SGCD: variants seen among roughly 807,000 people sequenced by gnomAD.
SGCD encodes sarcoglycan delta.
A neutral mutation model predicts 36.6 loss-of-function variants in SGCD; 18 were observed. That is an observed-to-expected ratio of 0.49 (90% CI 0.34 to 0.73). The LOEUF is 0.73. SGCD is among the 30% of genes least tolerant of loss of function. The pLI is 0.01. For missense variants in SGCD, 387 were observed against 346.7 expected (o/e 1.12, Z -0.92); for synonymous variants, 133 against 130.6 (o/e 1.02, Z -0.12).
At chr5:155,915,086 T>C (rs1756708524) in intron 1 of SGCD, among the ~76,000 whole-genome samples, 2 of 152,152 alleles carry the variant, frequency 1.3e-5, no homozygotes, top group East Asian at 3.9e-4. Flanking sequence ...TGCTCTTAAA[T>C]AGCTTCAATT....
chr5:156,643,653 T>C (rs1763123115), intron 6 of SGCD, among the ~76,000 whole-genome samples: 1 of 151,992 alleles, frequency 6.6e-6, no homozygotes, highest in Non-Finnish European at 1.5e-5. Flanking sequence ...GAACCGAAAA[T>C]CAGGTTTTTG....
At chr5:155,902,264 G>T (rs1328166864) in intron 1 of SGCD, among the ~76,000 whole-genome samples, 1 of 152,144 alleles carries the variant, frequency 6.6e-6, no homozygotes, top group Non-Finnish European at 1.5e-5. Context: ...ATAAGATAAA[G>T]TATTTAATAA....
intron 7 of SGCD, among the ~76,000 whole-genome samples, chr5:156,737,663 G>A (rs1321673917): frequency 6.6e-6 from 1 of 152,104 alleles, no homozygotes; most frequent in Non-Finnish European, 1.5e-5. Flanking sequence ...GGCTAGCATG[G>A]GGGATGAAGA....
the SGCD span, among the ~76,000 whole-genome samples, chr5:155,865,204 A>G: frequency 1.2e-4 from 18 of 152,110 alleles, no homozygotes; most frequent in African/African-American, 4.1e-4. Context: ...ACAATAATTA[A>G]CCCATAACCC....
At chr5:156,446,040 G>A (rs1753743593) in intron 3 of SGCD, among the ~76,000 whole-genome samples, 1 of 152,062 alleles carries the variant, frequency 6.6e-6, no homozygotes, top group African/African-American at 2.4e-5. Context: ...CAGGGGTCTT[G>A]TCATTCTAAT....
intron 3 of SGCD, among the ~76,000 whole-genome samples, chr5:156,473,608 T>C (rs2127830333): frequency 6.6e-6 from 1 of 152,340 alleles, no homozygotes; most frequent in African/African-American, 2.4e-5. Flanking sequence ...TTATAAATTG[T>C]TTTCTTTGAA....
intron 1 of SGCD, among the ~76,000 whole-genome samples, chr5:156,060,308 T>C (rs1244823106): frequency 2.1e-5 from 3 of 145,882 alleles, no homozygotes; most frequent in African/African-American, 7.4e-5. Context: ...GTGAAGCACC[T>C]GTCAAAATTT....
At position 156,298,728 on chromosome 5, in the gene SGCD, G is replaced by A. The variant is rs13355309; in HGVS notation, c.-43-30806G>A. ...TTACAGGTGTGAGCTACCACACGTG[G>A]CCCATTTATTAAGCATTCTTTGAGA... On this transcript the variant is annotated intron_variant, in intron 3 of 9. Coordinates refer to the SGCD transcript ENST00000517913. 7.5e-3 allele frequency among the ~76,000 whole-genome samples: 1,133 copies of A among 151,544 alleles called. 10 individuals are homozygous for A. Among genetic ancestry groups the A allele is most frequent in the African/African-American group, 0.027 (1,096 of 41,326 alleles).
intron 3 of SGCD, among the ~76,000 whole-genome samples, chr5:156,256,622 A>G (rs1350635578): frequency 1.3e-5 from 2 of 152,210 alleles, no homozygotes; most frequent in Non-Finnish European, 2.9e-5. Flanking sequence ...AGATTGCTAC[A>G]AACTTCCTTC....
chr5:156,028,208 A>G (rs1241852434), intron 1 of SGCD, among the ~76,000 whole-genome samples: 2 of 152,220 alleles, frequency 1.3e-5, no homozygotes, highest in African/African-American at 4.8e-5. Flanking sequence ...ATTGTTAGTC[A>G]TAATGGCAGT....
rs1204070272 is a variant in SGCD, at chr5:156,765,099, T to C, written c.*5709T>C. ...AACACAAATATGAGGCCGACTTCTTTGCGAGAAGAGAAAAGAAAACATCTG... is the reference window on the plus strand; with the variant it reads ...AACACAAATATGAGGCCGACTTCTTCGCGAGAAGAGAAAAGAAAACATCTG... On this transcript the variant is annotated 3_prime_UTR_variant, in exon 9 of 9. Transcript: ENST00000337851. 6.6e-6 allele frequency: 1 copy of C among 152,076 alleles called. No individual in the cohort carries two copies. Among genetic ancestry groups the C allele is most frequent in the African/African-American group, 2.4e-5 (1 of 41,318 alleles). The allele number at this position is 152,076 out of a possible 1,614,324, so 9.4% of individuals were successfully genotyped here.
At chr5:155,838,258 A>G in the SGCD span, among the ~76,000 whole-genome samples, 55,734 of 152,002 alleles carry the variant, frequency 0.37, 10,651 homozygotes, top group Admixed American at 0.53. Flanking sequence ...AATTCCACCA[A>G]TTGTCTCATA....
chr5:155,792,900 G>A, the SGCD span, among the ~76,000 whole-genome samples: 8 of 152,094 alleles, frequency 5.3e-5, no homozygotes, highest in Non-Finnish European at 8.8e-5. Context: ...TCCTATTACT[G>A]GGTATATACA....
chr5:156,384,221 G>A (rs1771151206), intron 3 of SGCD, among the ~76,000 whole-genome samples: 2 of 152,178 alleles, frequency 1.3e-5, no homozygotes, highest in East Asian at 3.9e-4. Context: ...AAATCTTTGA[G>A]TATGTGGTTC....
Position 156,640,414 on chromosome 5 carries a change from G to A in SGCD, c.503-7050G>A, listed in dbSNP as rs149060520. Among the ~76,000 whole-genome samples, 3 of 129,024 alleles carry A rather than the reference G, an allele frequency of 2.3e-5. No individual in the cohort carries two copies. In the East Asian group the frequency reaches 5.9e-4, roughly 25 times the overall value. 84.6% of individuals were successfully genotyped at this position (129,024 alleles called of 152,430 possible). A position where few individuals can be genotyped will look rare whatever the true frequency, so the allele number is the denominator to read the frequency against. On this transcript the variant is annotated intron_variant, in intron 6 of 8. Coordinates refer to ENST00000337851, the MANE Select transcript of SGCD (RefSeq NM_000337.6). ...AGATAACATCACCCCCATTGAAAAT[G>A]CATGATTTACAATATCTGTTATTTT...
chr5:156,415,546 A>G (rs1020642613), intron 3 of SGCD, among the ~76,000 whole-genome samples: 5 of 152,320 alleles, frequency 3.3e-5, no homozygotes, highest in African/African-American at 1.2e-4. Context: ...GTGCTTTGCA[A>G]GGTTCACATC....
At chr5:155,797,826 C>T in the SGCD span, among the ~76,000 whole-genome samples, 1 of 152,188 alleles carries the variant, frequency 6.6e-6, no homozygotes, top group South Asian at 2.1e-4. Context: ...GATAAACCAC[C>T]TTTGCAAGTG....
the SGCD span, among the ~76,000 whole-genome samples, chr5:155,748,867 C>G: frequency 6.6e-6 from 1 of 152,162 alleles, no homozygotes; most frequent in Non-Finnish European, 1.5e-5. Context: ...ATCTGTGAGT[C>G]ATAGGCACGA....
chr5:156,390,765 T>A (rs559590558), intron 3 of SGCD, among the ~76,000 whole-genome samples: 19 of 152,150 alleles, frequency 1.2e-4, no homozygotes, highest in Non-Finnish European at 2.4e-4. Flanking sequence ...ATGAAAAAAA[T>A]TTTTTAATAA....
Sources: allele counts gnomAD v4.1 joint callset (sites outside exome capture counted in the v4.1 genomes callset), GRCh38; gene constraint gnomAD v4.1.1; transcripts MANE v1.5; gene names NCBI Gene and HGNC (gene_info 2026-07-23, HGNC 2026-07-21).